Variants in ATP8A2 observed in about 807,000 individuals in gnomAD.
ATP8A2 encodes the protein ATPase phospholipid transporting 8A2, also known as phospholipid-transporting ATPase IB.
In ATP8A2, 100 loss-of-function variants were observed where a neutral mutation model predicts 165.6. The observed-to-expected ratio is 0.60, with a 90% CI of 0.51 to 0.71. ATP8A2 has a LOEUF of 0.71. ATP8A2 is among the 30% of genes least tolerant of loss of function. The pLI is 0.00. For missense variants in ATP8A2, 1,227 were observed against 1,479.5 expected (o/e 0.83, Z 2.80); for synonymous variants, 543 against 548.8 (o/e 0.99, Z 0.15).
intron 1 of ATP8A2, among the ~76,000 whole-genome samples, chr13:25,390,156 G>A (rs1426155040): frequency 2.0e-5 from 3 of 152,114 alleles, no homozygotes; most frequent in Non-Finnish European, 4.4e-5. Context: ...TTAACACCCA[G>A]CTAATTTTTG....
At chr13:25,392,750 T>C (rs1288817849) in intron 1 of ATP8A2, among the ~76,000 whole-genome samples, 2 of 152,144 alleles carry the variant, frequency 1.3e-5, no homozygotes, top group East Asian at 1.9e-4. Flanking sequence ...AGGATGCCAA[T>C]TTACAACTTT....
intron 1 of ATP8A2, among the ~76,000 whole-genome samples, chr13:25,417,777 T>C (rs1024917449): frequency 2.0e-5 from 3 of 152,256 alleles, no homozygotes; most frequent in Admixed American, 6.5e-5. Context: ...ACACAGTGTC[T>C]GCCTCAGCAG....
intron 35 of ATP8A2, among the ~76,000 whole-genome samples, chr13:25,974,251 TC>T (rs1432778484): frequency 6.6e-6 from 1 of 152,236 alleles, no homozygotes; most frequent in East Asian, 1.9e-4. Flanking sequence ...ATGTAGATGT[TC>T]AGGAAGCGTC....
At chr13:25,758,299 C>A (rs1244427831) in intron 25 of ATP8A2, among the ~76,000 whole-genome samples, 7 of 152,116 alleles carry the variant, frequency 4.6e-5, no homozygotes, top group Admixed American at 4.6e-4. Context: ...GTCCAAAAAA[C>A]CATTGCAAAA....
chr13:25,861,309 T>C (rs1211159176), intron 32 of ATP8A2, among the ~76,000 whole-genome samples: 1 of 152,244 alleles, frequency 6.6e-6, no homozygotes, highest in Non-Finnish European at 1.5e-5. Flanking sequence ...GACTTTGTAA[T>C]CCCTTTTAAT....
intron 1 of ATP8A2, among the ~76,000 whole-genome samples, chr13:25,424,860 AG>A (rs1566122078): frequency 6.6e-6 from 1 of 152,216 alleles, no homozygotes; most frequent in Non-Finnish European, 1.5e-5. Context: ...TGGGAGGCTG[AG>A]GCAGGAGAAC....
chr13:25,899,895 G>A (rs572573846), intron 33 of ATP8A2, among the ~76,000 whole-genome samples: 2 of 152,266 alleles, frequency 1.3e-5, no homozygotes, highest in South Asian at 4.1e-4. Flanking sequence ...AAAATAGGTG[G>A]TACAGGGGAA....
chr13:25,727,950 T>A (rs1438279145), intron 25 of ATP8A2, among the ~76,000 whole-genome samples: 1 of 152,118 alleles, frequency 6.6e-6, no homozygotes, highest in African/African-American at 2.4e-5. Context: ...GCACTGTGGC[T>A]CACCAGGTAG....
At chr13:25,864,562 A>G (rs948621484) in intron 33 of ATP8A2, among the ~76,000 whole-genome samples, 1 of 152,234 alleles carries the variant, frequency 6.6e-6, no homozygotes, top group African/African-American at 2.4e-5. Flanking sequence ...TTCCAGCAGA[A>G]CTTTAGTGAG....
chr13:25,428,183 CAA>C (rs11343187), intron 1 of ATP8A2, among the ~76,000 whole-genome samples: 1 of 147,206 alleles, frequency 6.8e-6, no homozygotes, highest in Admixed American at 6.7e-5. Flanking sequence ...GACCCTGTCT[CAA>C]AAAAAAAAGT....
At chr13:25,822,983 G>A (rs1281570616) in intron 27 of ATP8A2, among the ~76,000 whole-genome samples, 1 of 152,172 alleles carries the variant, frequency 6.6e-6, no homozygotes, top group African/African-American at 2.4e-5. Context: ...TCAAACAAGT[G>A]GGATAAAGAT....
chr13:25,835,912 T>G (rs970325557), intron 28 of ATP8A2, among the ~76,000 whole-genome samples: 2 of 152,142 alleles, frequency 1.3e-5, no homozygotes, highest in Non-Finnish European at 2.9e-5. Flanking sequence ...CGAATTGGCT[T>G]TTATTAGCCA....
chr13:25,571,572 A>G (rs1358216271), intron 17 of ATP8A2, 38 bp from the exon 18 acceptor site: 1 of 1,476,358 alleles, frequency 6.8e-7, no homozygotes, highest in South Asian at 1.1e-5. Context: ...TGTCACTACC[A>G]GTGATATGTC....
chr13:25,417,978 T>C lies in ATP8A2; in HGVS notation c.76+45690T>C, dbSNP rs74622101. Among the ~76,000 whole-genome samples, 14 of 152,306 alleles carry C rather than the reference T, an allele frequency of 9.2e-5. No individual in the cohort carries two copies. The East Asian group carries it at 2.7e-3, about 29-fold the overall frequency. On this transcript the variant is annotated intron_variant, in intron 1 of 36. Coordinates refer to ENST00000381655, the MANE Select transcript of ATP8A2 (RefSeq NM_016529.6). ...GCTCTGTGTACCATGATCCCAGGAC[T>C]CCTTGCTAATGCTGTAAGCTTCAGA...
At chr13:25,475,287 C>T (rs2035962138) in intron 2 of ATP8A2, among the ~76,000 whole-genome samples, 1 of 152,072 alleles carries the variant, frequency 6.6e-6, no homozygotes, top group African/African-American at 2.4e-5. Context: ...TTTTCTGTTC[C>T]TGTGTTAGTA....
intron 24 of ATP8A2, among the ~76,000 whole-genome samples, chr13:25,593,517 C>T (rs1178982357): frequency 6.6e-6 from 1 of 152,082 alleles, no homozygotes; most frequent in Non-Finnish European, 1.5e-5. Context: ...CCCAGGGGGA[C>T]ACTAGATGAT....
In ATP8A2 at chr13:25,860,176, T is replaced by A; in HGVS notation, c.2957-19T>A. 1 of 1,592,136 alleles carries A rather than the reference T, an allele frequency of 6.3e-7. No individual in the cohort carries two copies. Among genetic ancestry groups the A allele is most frequent in the Non-Finnish European group, 8.6e-7 (1 of 1,160,748 alleles). ...TGCTCAGCTTCTTGGATGTTAATAG[T>A]AACTTCTTTGTTTTTCAGATACTGT... On this transcript the variant is annotated intron_variant, in intron 30 of 36. Transcript: ENST00000381655.
At chr13:26,016,482 A>T (rs533644596) in intron 36 of ATP8A2, among the ~76,000 whole-genome samples, 36 of 152,100 alleles carry the variant, frequency 2.4e-4, no homozygotes, top group African/African-American at 8.4e-4. Flanking sequence ...AGCTGAAGAA[A>T]CCCCCGGAGT....
intron 2 of ATP8A2, among the ~76,000 whole-genome samples, chr13:25,510,713 G>C (rs2037199220): frequency 6.6e-6 from 1 of 152,166 alleles, no homozygotes; most frequent in Non-Finnish European, 1.5e-5. Flanking sequence ...GTAGTTACTA[G>C]CTCTTTTGTG....
Sources: allele counts gnomAD v4.1 joint callset (sites outside exome capture counted in the v4.1 genomes callset), GRCh38; gene constraint gnomAD v4.1.1; transcripts MANE v1.5; gene names NCBI Gene and HGNC (gene_info 2026-07-23, HGNC 2026-07-21).